TG: variants seen among roughly 807,000 people sequenced by gnomAD.
TG encodes the protein thyroglobulin.
In TG, 270 loss-of-function variants were observed where a neutral mutation model predicts 324.7. The ratio of observed to expected loss-of-function variants is 0.83; its 90% confidence interval spans 0.75 to 0.92. The LOEUF is 0.92. TG is among the 40% of genes least tolerant of loss of function. TG has a pLI of 0.00. For synonymous variants in TG, 1,401 were observed against 1,327.0 expected (o/e 1.06, Z -1.21); for missense variants, 3,591 against 3,456.4 (o/e 1.04, Z -0.98).
intron 34 of TG, among the ~76,000 whole-genome samples, chr8:132,982,169 A>T (rs140083577): frequency 3.3e-5 from 5 of 152,364 alleles, no homozygotes; most frequent in African/African-American, 1.2e-4. Context: ...CACTGTTACT[A>T]TGCCCATTTT....
In TG at chr8:132,898,895, C is replaced by T. The variant is rs757566115; in HGVS notation, c.3315C>T (p.Val1105=). The change falls in exon 14 of 48, where the codon GTC becomes GTT. Residue 1105 remains valine, a synonymous_variant. Transcript: ENST00000220616. ...QENPSPKDLF[V]PACLETGEYA... is the part of the protein sequence containing the mutation. ...ACCCATCTCCAAAAGACCTGTTCGT[C>T]CCAGCCTGCCTAGAAGTAAGGGTCT... The T allele has an allele frequency of 2.5e-6, 4 of 1,613,924 alleles. No homozygotes were observed. Among genetic ancestry groups the T allele is most frequent in the Non-Finnish European group, 3.4e-6 (4 of 1,179,934 alleles).
At position 133,093,314 on chromosome 8, in the gene TG, A is replaced by C. The variant is rs1394838843; in HGVS notation, c.7240-1730A>C. Among the ~76,000 whole-genome samples the C allele has an allele frequency of 2.0e-5, 3 of 152,148 alleles. No individual in the cohort carries two copies. The East Asian group carries it at 5.8e-4, about 29-fold the overall frequency. On this transcript the variant is annotated intron_variant, in intron 41 of 47. Coordinates refer to ENST00000220616, the MANE Select transcript of TG (RefSeq NM_003235.5). ...TGGCCTGGCTGAGTAGTTTACTTTTATTGCTGCTGCTTATCAGAGGATCCT... is the reference window on the plus strand; with the variant it reads ...TGGCCTGGCTGAGTAGTTTACTTTTCTTGCTGCTGCTTATCAGAGGATCCT...
intron 29 of TG, among the ~76,000 whole-genome samples, chr8:132,966,123 G>C (rs898361442): frequency 1.4e-4 from 22 of 152,144 alleles, no homozygotes; most frequent in African/African-American, 5.3e-4. Context: ...GTGGTTCAAA[G>C]TTACAAAAAG....
chr8:133,063,685 CCAGT>C (rs1842709736), intron 41 of TG: 1 of 152,186 alleles, frequency 6.6e-6, no homozygotes, highest in African/African-American at 2.4e-5. Flanking sequence ...TTCTGTCTTG[CCAGT>C]CAGAGTTCAG....
chr8:132,986,477 G>A (rs1564041755), intron 35 of TG, among the ~76,000 whole-genome samples: 1 of 151,902 alleles, frequency 6.6e-6, no homozygotes, highest in Non-Finnish European at 1.5e-5. Context: ...ATGCAGGCAT[G>A]TATATACGTA....
At chr8:132,935,307 A>C (rs888440740) in intron 24 of TG, among the ~76,000 whole-genome samples, 1 of 148,940 alleles carries the variant, frequency 6.7e-6, no homozygotes, top group Non-Finnish European at 1.5e-5. Flanking sequence ...CACCCGATTA[A>C]TTTTTTTTTT....
At chr8:133,007,588 G>C (rs1462838100) in intron 35 of TG, among the ~76,000 whole-genome samples, 2 of 152,048 alleles carry the variant, frequency 1.3e-5, no homozygotes, top group Non-Finnish European at 2.9e-5. Context: ...ACTTGACCCT[G>C]ATCAGGATTT....
intron 14 of TG, 133 bp downstream of exon 14, chr8:132,899,043 C>T: frequency 3.8e-6 from 3 of 787,778 alleles, no homozygotes; most frequent in Non-Finnish European, 6.6e-6. Flanking sequence ...TTTGTCTGGG[C>T]CTGCTAGAAC....
chr8:132,914,060 A>T (rs768113645), intron 20 of TG, among the ~76,000 whole-genome samples: 65 of 151,822 alleles, frequency 4.3e-4, no homozygotes, highest in Non-Finnish European at 7.1e-4. Context: ...ATCTCCTCTG[A>T]CTCTCTTTTA....
At chr8:133,027,602 A>G (rs768421419) in intron 40 of TG, among the ~76,000 whole-genome samples, 13 of 152,228 alleles carry the variant, frequency 8.5e-5, no homozygotes, top group African/African-American at 1.4e-4. Flanking sequence ...GAAGGCCAGG[A>G]AGAAGTTTGC....
chr8:133,128,891 A>G (rs957969782), intron 45 of TG, among the ~76,000 whole-genome samples: 5 of 152,244 alleles, frequency 3.3e-5, no homozygotes, highest in Non-Finnish European at 7.4e-5. Context: ...CAATGAAGCC[A>G]CATGAGCACA....
intron 41 of TG, among the ~76,000 whole-genome samples, chr8:133,035,010 A>ATCTTC (rs1428974420): frequency 1.3e-5 from 2 of 152,154 alleles, no homozygotes; most frequent in Non-Finnish European, 2.9e-5. Context: ...GCTTTTTAAA[A>ATCTTC]TCTTCTCTAT....
At chr8:133,052,184 C>A (rs756543178) in intron 41 of TG, among the ~76,000 whole-genome samples, 22 of 152,148 alleles carry the variant, frequency 1.4e-4, no homozygotes, top group Admixed American at 3.9e-4. Context: ...GCCTCTTGGG[C>A]AGACTAAGTC....
At chr8:133,039,923 T>A in intron 41 of TG, 1 of 1,514,506 alleles carries the variant, frequency 6.6e-7, no homozygotes, top group Non-Finnish European at 8.9e-7. Context: ...CACACCGTTT[T>A]GTGCTCACAT....
intron 43 of TG, among the ~76,000 whole-genome samples, chr8:133,097,014 C>T (rs753780044): frequency 1.3e-5 from 2 of 152,162 alleles, no homozygotes; most frequent in African/African-American, 4.8e-5. Context: ...CCTCTGCCCA[C>T]CCCACCCTGC....
intron 19 of TG, among the ~76,000 whole-genome samples, chr8:132,912,335 C>T (rs769837528): frequency 2.0e-5 from 3 of 152,070 alleles, no homozygotes; most frequent in South Asian, 2.1e-4. Context: ...TGTTTGGAGC[C>T]GCAAAAACAT....
chr8:132,968,450 A>G (rs1828959719), intron 31 of TG, among the ~76,000 whole-genome samples: 1 of 152,216 alleles, frequency 6.6e-6, no homozygotes, highest in African/African-American at 2.4e-5. Flanking sequence ...TTAACAAGAT[A>G]GAAGGTGATT....
rs532101595 is a variant in TG, at chr8:132,999,122, G to A, written c.6263-12779G>A. Among the ~76,000 whole-genome samples the A allele has an allele frequency of 5.3e-5, 8 of 152,242 alleles. No individual in the cohort carries two copies. The East Asian group carries it at 9.7e-4, about 18-fold the overall frequency. On this transcript the variant is annotated intron_variant, in intron 35 of 47. Coordinates refer to ENST00000220616, the MANE Select transcript of TG (RefSeq NM_003235.5). ...CTGGTTTCTGGGACACAGGAGGCTG[G>A]GGAAGGATGAGACAGGTTCAGGGGG...
chr8:133,090,382 C>G (rs1847302488), intron 41 of TG, among the ~76,000 whole-genome samples: 1 of 152,156 alleles, frequency 6.6e-6, no homozygotes, highest in Non-Finnish European at 1.5e-5. Flanking sequence ...TCCTTCCTAC[C>G]TGATTTAACT....
Sources: allele counts gnomAD v4.1 joint callset (sites outside exome capture counted in the v4.1 genomes callset), GRCh38; gene constraint gnomAD v4.1.1; transcripts MANE v1.5; gene names NCBI Gene and HGNC (gene_info 2026-07-23, HGNC 2026-07-21).